Variants in SMC6 observed in about 807,000 individuals in gnomAD.
SMC6 encodes structural maintenance of chromosomes protein 6.
In SMC6, 79 loss-of-function variants were observed where a neutral mutation model predicts 142.2. The observed-to-expected ratio is 0.56, with a 90% CI of 0.46 to 0.67. SMC6 has a LOEUF of 0.67. Among genes scored for constraint, SMC6 ranks in the 30% least tolerant of loss-of-function variants. The probability of loss-of-function intolerance (pLI) is 0.00; values close to 1 mark genes in which losing one functional copy is unlikely to be tolerated. For missense variants in SMC6, 1,072 were observed against 1,284.0 expected (o/e 0.83, Z 2.52); for synonymous variants, 411 against 412.4 (o/e 1.00, Z 0.04).
At chr2:17,733,518 C>T (rs921287409) in intron 5 of SMC6, among the ~76,000 whole-genome samples, 53 of 152,258 alleles carry the variant, frequency 3.5e-4, no homozygotes, top group African/African-American at 1.3e-3. Flanking sequence ...AAGATATCTA[C>T]ATTAAGGAAA....
At chr2:17,733,359 G>T (rs73921060) in intron 5 of SMC6, among the ~76,000 whole-genome samples, 1,905 of 152,238 alleles carry the variant, frequency 0.013, 21 homozygotes, top group East Asian at 0.031. Flanking sequence ...GCTAAATATA[G>T]AAATTTTTTA....
intron 23 of SMC6, among the ~76,000 whole-genome samples, chr2:17,688,007 T>C (rs1011221177): frequency 6.6e-6 from 1 of 152,070 alleles, no homozygotes; most frequent in Admixed American, 6.6e-5. Flanking sequence ...AGAGCCAGAA[T>C]TCCTCCTGTG....
Position 17,717,106 on chromosome 2 carries a change from A to G in SMC6, c.1163T>C (p.Ile388Thr). 2 of 1,612,036 alleles carry G rather than the reference A, an allele frequency of 1.2e-6. No individual in the cohort carries two copies. Among genetic ancestry groups the G allele is most frequent in the Non-Finnish European group, 1.7e-6 (2 of 1,179,512 alleles). Residue 388 changes from isoleucine (I) to threonine (T), a missense_variant, in exon 13 of 28, where the codon ATT becomes ACT. Around this residue, in one of 3 missense-constraint regions of SMC6, gnomAD observed 994 missense variants for 1,153.2 expected, o/e 0.86. Transcript: ENST00000448223. ...KKDDEQLCKR[I>T]EELKKSTDQS... The stretch of plus-strand genomic sequence containing the variant: ...ACCCTACCTTTTTTTCAGCTCTTCA[A>G]TTCGTTTACAAAGCTGCTCATCATC...
chr2:17,729,390 G>A (rs1669797556), intron 7 of SMC6, among the ~76,000 whole-genome samples: 1 of 152,160 alleles, frequency 6.6e-6, no homozygotes, highest in East Asian at 1.9e-4. Context: ...AGAATAACAT[G>A]TTTTACATTC....
intron 5 of SMC6, 122 bp from the exon 6 acceptor site, chr2:17,731,999 A>T (rs2052746): frequency 3.3e-6 from 3 of 915,502 alleles, no homozygotes; most frequent in South Asian, 1.8e-5. Flanking sequence ...TGCAAATTAG[A>T]TTTACATCAA....
intron 3 of SMC6, 22 bp downstream of exon 3, chr2:17,745,805 A>G (rs751537671): frequency 6.3e-7 from 1 of 1,579,660 alleles, no homozygotes; most frequent in Non-Finnish European, 8.6e-7. Flanking sequence ...CAAAAAGCAT[A>G]ATTTTGTAAT....
chr2:17,738,469 G>A (rs1572354032), intron 4 of SMC6, 143 bp from the exon 5 acceptor site: 4 of 515,772 alleles, frequency 7.8e-6, no homozygotes, highest in Non-Finnish European at 1.3e-5. Context: ...TTCTTCCCGT[G>A]CAAAGCAACA....
intron 3 of SMC6, 104 bp downstream of exon 3, chr2:17,745,723 A>G (rs1285974407): frequency 7.9e-7 from 1 of 1,260,896 alleles, no homozygotes; most frequent in Non-Finnish European, 1.1e-6. Context: ...ACTTTTAAAA[A>G]ATCATATTAC....
At chr2:17,677,279 G>A (rs529709406) in intron 25 of SMC6, among the ~76,000 whole-genome samples, 1 of 152,286 alleles carries the variant, frequency 6.6e-6, no homozygotes, top group African/African-American at 2.4e-5. Context: ...GTCAATAAGG[G>A]AGAAAGCTGG....
At position 17,737,732 on chromosome 2, in the gene SMC6, G is replaced by C. The variant is rs369432998; in HGVS notation, c.344+489C>G. ...AATTAAACTCACTGGCAACCTACTT[G>C]GTTAAAGGGTATAAAATCAGAGTCA... On this transcript the variant is annotated intron_variant, in intron 5 of 27. Coordinates refer to ENST00000448223, the MANE Select transcript of SMC6 (RefSeq NM_001142286.2). 2.3e-4 allele frequency among the ~76,000 whole-genome samples: 35 copies of C among 151,948 alleles called. No homozygotes were observed. In the East Asian group the frequency reaches 6.8e-3, roughly 29 times the overall value.
At chr2:17,718,267 G>T in intron 11 of SMC6, 44 bp from the exon 12 acceptor site, 1 of 1,395,570 alleles carries the variant, frequency 7.2e-7, no homozygotes. Flanking sequence ...TTCTTCAATA[G>T]AGAGAATTTT....
rs1668205165 is a variant in SMC6 at position 17,700,274 on chromosome 2, T to G, written c.2328A>C (p.Ala776=). 8.1e-6 allele frequency: 13 copies of G among 1,611,188 alleles called. No individual in the cohort carries two copies. The highest frequency in any genetic ancestry group is 1.1e-5 in the Non-Finnish European group (13 of 1,178,348). The change falls in exon 21 of 28, where the codon GCA becomes GCC. Residue 776 remains alanine (A), a synonymous_variant. Transcript: ENST00000448223. ...ATTTAATTGCATCATACTTATTTTC[T>G]GCTTCTATTTTCAGACTTTTAAGAT... ...MEHLKSLKIE[A]ENKYDAIKFK...
intron 5 of SMC6, among the ~76,000 whole-genome samples, chr2:17,736,803 T>C (rs750187997): frequency 4.6e-5 from 7 of 150,738 alleles, no homozygotes; most frequent in East Asian, 1.9e-4. Context: ...ACCCGGGAGG[T>C]AGAGGTTGTA....
At chr2:17,713,941 T>A (rs1337142959) in intron 16 of SMC6, among the ~76,000 whole-genome samples, 2 of 152,192 alleles carry the variant, frequency 1.3e-5, no homozygotes, top group Non-Finnish European at 2.9e-5. Flanking sequence ...TAACATGAGT[T>A]AATTACACAC....
chr2:17,716,220 C>G lies in SMC6; in HGVS notation c.1391G>C (p.Arg464Thr). The change falls in exon 15 of 28, where the codon AGG becomes ACG. Residue 464 changes from arginine to threonine, a missense_variant. Coordinates refer to ENST00000448223, the MANE Select transcript of SMC6 (RefSeq NM_001142286.2). ...ACTATCTTTCAATTCTTTCAGTTGC[C>G]TCTGATTGTAGCTCAGTGCATGCTT... ...DVKHALSYNQ[R>T]QLKELKDSKT... 1 of 1,611,728 alleles carries G rather than the reference C, an allele frequency of 6.2e-7. No individual in the cohort carries two copies. The highest frequency in any genetic ancestry group is 8.5e-7 in the Non-Finnish European group (1 of 1,179,344).
At chr2:17,722,332 T>C (rs892365292) in intron 9 of SMC6, among the ~76,000 whole-genome samples, 7 of 152,158 alleles carry the variant, frequency 4.6e-5, no homozygotes, top group African/African-American at 1.7e-4. Context: ...TATCTTGGAT[T>C]CTACCCCTTT....
chr2:17,747,001 G>A (rs1670784212), intron 2 of SMC6, among the ~76,000 whole-genome samples: 2 of 152,150 alleles, frequency 1.3e-5, no homozygotes, highest in Non-Finnish European at 2.9e-5. Context: ...CAAAATCCAA[G>A]TGGGTAGTCT....
chr2:17,706,247 T>C (rs777726549), intron 18 of SMC6, among the ~76,000 whole-genome samples: 1 of 152,156 alleles, frequency 6.6e-6, no homozygotes, highest in Non-Finnish European at 1.5e-5. Context: ...TGAACCACGC[T>C]GGTAATCATT....
intron 24 of SMC6, 63 bp from the exon 25 acceptor site, chr2:17,679,027 G>T: frequency 8.9e-7 from 1 of 1,121,618 alleles, no homozygotes. Context: ...ACTATATTCA[G>T]CATGATCTAA....
Sources: allele counts gnomAD v4.1 joint callset (sites outside exome capture counted in the v4.1 genomes callset), GRCh38; gene constraint gnomAD v4.1.1; regional missense constraint gnomAD v4.1.1; transcripts MANE v1.5; gene names NCBI Gene and HGNC (gene_info 2026-07-23, HGNC 2026-07-21).